Variants in PUDP observed in about 807,000 individuals in gnomAD.
PUDP encodes pseudouridine 5'-phosphatase.
PUDP carries 8 observed loss-of-function variants against 9.4 expected under a neutral mutation model. That is an observed-to-expected ratio of 0.85 (90% CI 0.50 to 1.53). The LOEUF is 1.53. Ranked by LOEUF, PUDP falls within the 40% of genes most tolerant of loss-of-function variation. The probability of loss-of-function intolerance (pLI) is 0.00; values close to 1 mark genes in which losing one functional copy is unlikely to be tolerated. For missense variants in PUDP, 188 were observed against 189.7 expected (o/e 0.99, Z 0.05); for synonymous variants, 99 against 80.7 (o/e 1.23, Z -1.22).
At chrX:6,881,514 T>A (rs1417584314) in intron 3 of PUDP, among the ~76,000 whole-genome samples, 1 of 111,904 alleles carries the variant, frequency 8.9e-6, no homozygotes, top group Non-Finnish European at 1.9e-5. Context: ...TTGTATCTCA[T>A]GAATAGTAAA....
chrX:6,793,201 G>A (rs1925780360), intron 3 of PUDP, among the ~76,000 whole-genome samples: 1 of 112,155 alleles, frequency 8.9e-6, no homozygotes, highest in Non-Finnish European at 1.9e-5. Context: ...AATTAATTGC[G>A]GTTTCTGTCA....
intron 3 of PUDP, among the ~76,000 whole-genome samples, chrX:7,070,349 T>C (rs945841336): frequency 9.0e-6 from 1 of 111,485 alleles, no homozygotes; most frequent in Non-Finnish European, 1.9e-5. Context: ...TCAGCGATGA[T>C]GGGTGACAGG....
chrX:6,968,857 T>G (rs1458999782), intron 3 of PUDP, among the ~76,000 whole-genome samples: 1 of 111,850 alleles, frequency 8.9e-6, no homozygotes, highest in Non-Finnish European at 1.9e-5. Flanking sequence ...TGGCCTCAAA[T>G]GATCTGCCCG....
At chrX:6,947,918 G>T (rs1273898312) in intron 3 of PUDP, among the ~76,000 whole-genome samples, 1 of 112,161 alleles carries the variant, frequency 8.9e-6, no homozygotes, top group Non-Finnish European at 1.9e-5. Flanking sequence ...GCTAAAATTT[G>T]AGCAATTCCA....
intron 3 of PUDP, among the ~76,000 whole-genome samples, chrX:6,932,773 G>A (rs992844124): frequency 1.7e-3 from 190 of 112,038 alleles, no homozygotes; most frequent in Non-Finnish European, 2.6e-3. Flanking sequence ...CCCGAATACT[G>A]CGCTTTTCAG....
At chrX:6,799,621 A>T (rs1016540269) in intron 3 of PUDP, among the ~76,000 whole-genome samples, 1 of 110,894 alleles carries the variant, frequency 9.0e-6, no homozygotes, top group Non-Finnish European at 1.9e-5. Context: ...CCTTATCACT[A>T]CTCTATCAAA....
At chrX:6,814,995 G>C (rs1381444546) in intron 3 of PUDP, among the ~76,000 whole-genome samples, 1 of 110,738 alleles carries the variant, frequency 9.0e-6, no homozygotes, top group Non-Finnish European at 1.9e-5. Context: ...TAAACTCCAG[G>C]TTCCCTGGAT....
chrX:7,108,658 T>G (rs1057403759), intron 1 of PUDP, among the ~76,000 whole-genome samples: 1 of 112,564 alleles, frequency 8.9e-6, no homozygotes, highest in Non-Finnish European at 1.9e-5. Flanking sequence ...AGGTGCCATT[T>G]CATTTTCAGC....
At chrX:7,023,636 T>G (rs1569141348) in intron 1 of PUDP, among the ~76,000 whole-genome samples, 1 of 112,286 alleles carries the variant, frequency 8.9e-6, no homozygotes, top group Non-Finnish European at 1.9e-5. Flanking sequence ...TTCACTGAAT[T>G]GTTTTGTACC....
intron 3 of PUDP, among the ~76,000 whole-genome samples, chrX:6,766,378 G>T (rs1215207059): frequency 8.9e-6 from 1 of 111,843 alleles, no homozygotes; most frequent in Non-Finnish European, 1.9e-5. Flanking sequence ...TTTGAGGGTT[G>T]AACCAAAAAT....
chrX:7,101,453 C>A (rs867026886), intron 2 of PUDP, among the ~76,000 whole-genome samples: 9 of 110,332 alleles, frequency 8.2e-5, no homozygotes, highest in African/African-American at 2.7e-4. Context: ...CTGATACCTG[C>A]TCGCTTAGAA....
chrX:7,136,620 A>T (rs1223816414), intron 1 of PUDP, among the ~76,000 whole-genome samples: 3 of 111,617 alleles, frequency 2.7e-5, no homozygotes, highest in Non-Finnish European at 3.8e-5. Flanking sequence ...GACTTAAAAA[A>T]TATATAGACA....
chrX:6,901,633 C>T (rs751727598), intron 3 of PUDP, among the ~76,000 whole-genome samples: 26 of 112,068 alleles, frequency 2.3e-4, no homozygotes, highest in African/African-American at 8.1e-4. Context: ...TGAAAAATAG[C>T]GATAACAATT....
chrX:6,934,061 G>C (rs1928252519), intron 3 of PUDP, among the ~76,000 whole-genome samples: 1 of 98,614 alleles, frequency 1.0e-5, no homozygotes, highest in South Asian at 4.7e-4. Context: ...ACACTCTGCA[G>C]GGTATTATCC....
At chrX:6,940,014 A>G (rs1000260827) in intron 3 of PUDP, among the ~76,000 whole-genome samples, 2 of 112,970 alleles carry the variant, frequency 1.8e-5, no homozygotes, top group Admixed American at 9.3e-5. Flanking sequence ...CATTCCTTCT[A>G]TACAGTTGTG....
intron 1 of PUDP, among the ~76,000 whole-genome samples, chrX:7,124,938 ACT>A (rs1213610942): frequency 9.2e-6 from 1 of 108,224 alleles, no homozygotes; most frequent in Non-Finnish European, 1.9e-5. Flanking sequence ...ACAGAGTGAG[ACT>A]CTGTCTCAAA....
intron 3 of PUDP, among the ~76,000 whole-genome samples, chrX:6,969,603 G>A (rs1230946748): frequency 8.9e-6 from 1 of 112,507 alleles, no homozygotes; most frequent in Non-Finnish European, 1.9e-5. Flanking sequence ...GGCCCACAGG[G>A]CAGTGGCTCA....
At position 6,783,742 on chromosome X, in the gene PUDP, G is replaced by C. The variant is rs1016926099; in HGVS notation, c.*248-77276C>G. On this transcript the variant is annotated intron_variant and NMD_transcript_variant, in intron 3 of 3. Coordinates refer to the PUDP transcript ENST00000655425. ...TCCAGAGAAAACAGCTATTTATAAA[G>C]AGAGAGATATATAAGAAGAGATTTA... 2.7e-5 allele frequency among the ~76,000 whole-genome samples: 3 copies of C among 111,922 alleles called. No homozygotes were observed. The East Asian group carries it at 8.4e-4, about 31-fold the overall frequency.
chrX:6,970,868 T>C (rs1337964657), intron 3 of PUDP, among the ~76,000 whole-genome samples: 1 of 109,933 alleles, frequency 9.1e-6, no homozygotes, highest in African/African-American at 3.3e-5. Context: ...ACCAGCCTGA[T>C]AGTGAAACCC....
Sources: gnomAD v4.1 joint callset for allele counts (sites outside exome capture counted in the v4.1 genomes callset) on GRCh38, gnomAD v4.1.1 for gene constraint, MANE v1.5 for transcripts, NCBI Gene and HGNC (gene_info 2026-07-23, HGNC 2026-07-21) for gene names.